Variants in PTPRT observed in about 807,000 individuals in gnomAD.
PTPRT encodes the protein receptor-type tyrosine-protein phosphatase T.
Under a neutral mutation model 176.8 loss-of-function variants are expected in PTPRT, and 56 were observed. That is an observed-to-expected ratio of 0.32 (90% CI 0.26 to 0.40). PTPRT has a LOEUF of 0.40. PTPRT is among the 10% of genes least tolerant of loss of function. The probability of loss-of-function intolerance (pLI) is 1.00; values close to 1 mark genes in which losing one functional copy is unlikely to be tolerated. For synonymous variants in PTPRT, 783 were observed against 739.0 expected (o/e 1.06, Z -0.96); for missense variants, 1,540 against 1,908.2 (o/e 0.81, Z 3.60).
At chr20:42,823,495 A>G (rs1400695391) in intron 2 of PTPRT, among the ~76,000 whole-genome samples, 1 of 152,152 alleles carries the variant, frequency 6.6e-6, no homozygotes, top group Non-Finnish European at 1.5e-5. Context: ...GTGCACATGT[A>G]TCCCATTTCT....
At chr20:42,798,024 T>C (rs938762477) in intron 2 of PTPRT, among the ~76,000 whole-genome samples, 4 of 152,186 alleles carry the variant, frequency 2.6e-5, no homozygotes, top group Admixed American at 1.3e-4. Context: ...GCCACTAAAT[T>C]TGTGGTAATT....
chr20:42,516,221 G>T (rs1413836571), intron 7 of PTPRT, among the ~76,000 whole-genome samples: 1 of 149,458 alleles, frequency 6.7e-6, no homozygotes, highest in Non-Finnish European at 1.5e-5. Context: ...AACCTGCACA[G>T]TGTGCACATG....
intron 2 of PTPRT, among the ~76,000 whole-genome samples, chr20:42,809,319 G>A (rs2145612893): frequency 6.6e-6 from 1 of 152,202 alleles, no homozygotes; most frequent in South Asian, 2.1e-4. Flanking sequence ...CCCGCCAGGT[G>A]TGACTCCAGG....
chr20:42,323,312 T>TC (rs2057831078), intron 11 of PTPRT, among the ~76,000 whole-genome samples: 1 of 152,110 alleles, frequency 6.6e-6, no homozygotes, highest in Non-Finnish European at 1.5e-5. Context: ...CATGCACACA[T>TC]ATGTTTATTG....
chr20:42,566,047 T>C (rs2073034482), intron 7 of PTPRT, among the ~76,000 whole-genome samples: 1 of 152,120 alleles, frequency 6.6e-6, no homozygotes, highest in African/African-American at 2.4e-5. Context: ...ATGTTGGCTA[T>C]GTGTGGCTTC....
intron 1 of PTPRT, among the ~76,000 whole-genome samples, chr20:43,162,123 T>C (rs1279163071): frequency 6.6e-6 from 1 of 152,058 alleles, no homozygotes; most frequent in Admixed American, 6.6e-5. Context: ...TAAAACAAAA[T>C]AAAAACACAC....
chr20:42,284,567 G>A (rs1167873346), intron 12 of PTPRT, among the ~76,000 whole-genome samples: 6 of 151,858 alleles, frequency 4.0e-5, no homozygotes, highest in East Asian at 1.9e-4. Context: ...CTTCTTCCAC[G>A]TTGATATTCA....
chr20:42,195,462 G>A (rs1440429572), intron 16 of PTPRT, among the ~76,000 whole-genome samples: 3 of 152,072 alleles, frequency 2.0e-5, no homozygotes, highest in Non-Finnish European at 4.4e-5. Flanking sequence ...CATCTCCAGT[G>A]TAAGCATTAC....
intron 1 of PTPRT, among the ~76,000 whole-genome samples, chr20:43,083,345 T>TATATATACATATATAC (rs2011505111): frequency 2.6e-5 from 3 of 117,378 alleles, no homozygotes; most frequent in African/African-American, 9.4e-5. Flanking sequence ...TATATATATA[T>TATATATACATATATAC]ATATATATAT....
At chr20:42,883,325 T>C (rs901113557) in intron 2 of PTPRT, among the ~76,000 whole-genome samples, 2 of 152,062 alleles carry the variant, frequency 1.3e-5, no homozygotes, top group African/African-American at 4.8e-5. Context: ...ATGGAGAGGC[T>C]TGGGCAGACC....
intron 7 of PTPRT, among the ~76,000 whole-genome samples, chr20:42,596,534 CA>C (rs1200748072): frequency 6.6e-6 from 1 of 152,104 alleles, no homozygotes; most frequent in African/African-American, 2.4e-5. Context: ...AAAATAAAAA[CA>C]AAATTGTCAC....
chr20:42,280,040 C>G (rs189754704), intron 13 of PTPRT, among the ~76,000 whole-genome samples: 36 of 152,172 alleles, frequency 2.4e-4, no homozygotes, highest in South Asian at 1.2e-3. Flanking sequence ...TTCCAAAGTC[C>G]GTGGGATTCT....
At chr20:42,527,877 C>T (rs1425212494) in intron 7 of PTPRT, among the ~76,000 whole-genome samples, 1 of 152,156 alleles carries the variant, frequency 6.6e-6, no homozygotes, top group Non-Finnish European at 1.5e-5. Context: ...ATTCTGGCTC[C>T]ATAGAACTAC....
At chr20:42,168,185 G>A (rs78533761) in intron 16 of PTPRT, among the ~76,000 whole-genome samples, 5,985 of 139,998 alleles carry the variant, frequency 0.043, 371 homozygotes, top group African/African-American at 0.15. Flanking sequence ...AGGAGGAGGA[G>A]GAAGAAGAAA....
At chr20:42,476,590 CT>C in intron 7 of PTPRT, among the ~76,000 whole-genome samples, 1 of 152,292 alleles carries the variant, frequency 6.6e-6, no homozygotes, top group East Asian at 1.9e-4. Flanking sequence ...GATGATTTTT[CT>C]ACTGGCTATG....
At chr20:42,970,661 C>G (rs1202127556) in intron 1 of PTPRT, among the ~76,000 whole-genome samples, 2 of 152,218 alleles carry the variant, frequency 1.3e-5, no homozygotes, top group Non-Finnish European at 2.9e-5. Context: ...TGCTCCCAGA[C>G]AGACAGATGA....
At chr20:43,053,003 C>T (rs1403455044) in intron 1 of PTPRT, among the ~76,000 whole-genome samples, 1 of 151,522 alleles carries the variant, frequency 6.6e-6, no homozygotes, top group East Asian at 1.9e-4. Flanking sequence ...GCACTGTTCA[C>T]AATAGGCAAA....
At chr20:43,119,083 C>G (rs976126258) in intron 1 of PTPRT, among the ~76,000 whole-genome samples, 1 of 152,052 alleles carries the variant, frequency 6.6e-6, no homozygotes, top group African/African-American at 2.4e-5. Context: ...TACAATATAA[C>G]CTTTGAAAAT....
At chr20:42,553,757 C>T (rs2072811655) in intron 7 of PTPRT, among the ~76,000 whole-genome samples, 1 of 152,056 alleles carries the variant, frequency 6.6e-6, no homozygotes, top group South Asian at 2.1e-4. Context: ...TATCCAGTCA[C>T]GGGGCAGCCA....
Sources: gnomAD v4.1 joint callset for allele counts (sites outside exome capture counted in the v4.1 genomes callset) on GRCh38, gnomAD v4.1.1 for gene constraint, MANE v1.5 for transcripts, NCBI Gene and HGNC (gene_info 2026-07-23, HGNC 2026-07-21) for gene names.